The following THSD7B variants were observed in gnomAD, a reference collection of about 807,000 sequenced individuals.
THSD7B encodes thrombospondin type-1 domain-containing protein 7B.
Under a neutral mutation model 213.6 loss-of-function variants are expected in THSD7B, and 138 were observed. The ratio of observed to expected loss-of-function variants is 0.65; its 90% CI spans 0.56 to 0.74. THSD7B has a LOEUF of 0.74. Among genes scored for constraint, THSD7B ranks in the 30% least tolerant of loss-of-function variants. The probability of loss-of-function intolerance (pLI) is 0.00; values close to 1 mark genes in which losing one functional copy is unlikely to be tolerated. For synonymous variants in THSD7B, 742 were observed against 687.0 expected (o/e 1.08, Z -1.25); for missense variants, 1,931 against 1,991.5 (o/e 0.97, Z 0.58).
chr2:137,585,066 G>C (rs1187835726), intron 17 of THSD7B, among the ~76,000 whole-genome samples: 1 of 152,058 alleles, frequency 6.6e-6, no homozygotes, highest in East Asian at 1.9e-4. Flanking sequence ...TTTAGTCTTG[G>C]GAAGTTGTAT....
At chr2:137,440,143 C>A (rs763744294) in intron 14 of THSD7B, among the ~76,000 whole-genome samples, 1 of 152,108 alleles carries the variant, frequency 6.6e-6, no homozygotes, top group Non-Finnish European at 1.5e-5. Flanking sequence ...AGTTAATCCA[C>A]CTAATTAACC....
Position 137,074,390 on chromosome 2 carries a change from C to T in THSD7B, c.950+17160C>T, listed in dbSNP as rs560558872. Among the ~76,000 whole-genome samples the T allele has an allele frequency of 1.8e-3, 276 of 151,922 alleles. 1 individual carries two copies. Among genetic ancestry groups the T allele is most frequent in the African/African-American group, 6.3e-3 (259 of 41,414 alleles). ...TTGTTGGTTTAAAGTCTGTTTTATC[C>T]GAGACTAGGATTGCAACCCCTGCCT... On this transcript the variant is annotated intron_variant, in intron 3 of 27. Coordinates refer to ENST00000409968, the MANE Select transcript of THSD7B (RefSeq NM_001316349.2).
chr2:137,042,792 G>A (rs1686906100), intron 2 of THSD7B, among the ~76,000 whole-genome samples: 1 of 152,176 alleles, frequency 6.6e-6, no homozygotes, highest in Non-Finnish European at 1.5e-5. Context: ...ACCCTAACAA[G>A]TGATTAATGA....
intron 12 of THSD7B, among the ~76,000 whole-genome samples, chr2:137,281,699 C>T (rs1248809848): frequency 6.6e-6 from 1 of 152,108 alleles, no homozygotes; most frequent in East Asian, 1.9e-4. Context: ...TGATGGTTTC[C>T]AGCTTCATCC....
chr2:136,853,076 A>T (rs575330889), intron 1 of THSD7B, among the ~76,000 whole-genome samples: 1 of 151,516 alleles, frequency 6.6e-6, no homozygotes, highest in East Asian at 1.9e-4. Flanking sequence ...GTATGTGTTC[A>T]TGTGCGTGTG....
At chr2:137,592,524 A>G (rs1681885015) in intron 17 of THSD7B, among the ~76,000 whole-genome samples, 1 of 151,842 alleles carries the variant, frequency 6.6e-6, no homozygotes, top group South Asian at 2.1e-4. Context: ...TTATGACAAA[A>G]CTTCAAGTTC....
chr2:136,859,812 A>G (rs1683231993), intron 1 of THSD7B, among the ~76,000 whole-genome samples: 1 of 152,220 alleles, frequency 6.6e-6, no homozygotes, highest in Admixed American at 6.5e-5. Flanking sequence ...TGAAAGTGTC[A>G]GGAGTGAAGG....
chr2:137,106,571 T>C (rs185189040), intron 4 of THSD7B, among the ~76,000 whole-genome samples: 158 of 152,308 alleles, frequency 1.0e-3, no homozygotes, highest in African/African-American at 3.6e-3. Context: ...GAAGAGCTTC[T>C]GCACAACAAA....
At chr2:137,439,775 C>G (rs1238835042) in intron 14 of THSD7B, among the ~76,000 whole-genome samples, 1 of 152,066 alleles carries the variant, frequency 6.6e-6, no homozygotes, top group African/African-American at 2.4e-5. Context: ...CAAATGAAAA[C>G]TTTTCGAGGT....
chr2:137,625,494 A>C (rs1682608312), intron 20 of THSD7B, among the ~76,000 whole-genome samples: 2 of 152,170 alleles, frequency 1.3e-5, no homozygotes, highest in South Asian at 4.1e-4. Context: ...AAATAGAAAA[A>C]TAGGCCTGAA....
chr2:137,173,672 C>G (rs944381160), intron 7 of THSD7B, among the ~76,000 whole-genome samples: 1 of 152,140 alleles, frequency 6.6e-6, no homozygotes, highest in Non-Finnish European at 1.5e-5. Flanking sequence ...TGGCCATGGT[C>G]GTGGTTCTGG....
intron 12 of THSD7B, among the ~76,000 whole-genome samples, chr2:137,278,832 G>A (rs73958827): frequency 0.02 from 3,048 of 152,166 alleles, 107 homozygotes; most frequent in African/African-American, 0.068. Flanking sequence ...TCATAGAAAC[G>A]TTTGCAAATA....
intron 2 of THSD7B, among the ~76,000 whole-genome samples, chr2:137,026,019 C>T (rs943799522): frequency 2.6e-5 from 4 of 152,154 alleles, no homozygotes; most frequent in Non-Finnish European, 4.4e-5. Context: ...AATCTCTGAG[C>T]AATGCTCAGT....
intron 15 of THSD7B, among the ~76,000 whole-genome samples, chr2:137,505,621 G>A (rs35761423): frequency 0.41 from 62,185 of 152,128 alleles, 13,943 homozygotes; most frequent in East Asian, 0.63. Flanking sequence ...GTTGTACAGA[G>A]TGGCAACTTT....
intron 12 of THSD7B, among the ~76,000 whole-genome samples, chr2:137,339,301 G>A (rs1476937903): frequency 6.6e-6 from 1 of 151,810 alleles, no homozygotes; most frequent in Non-Finnish European, 1.5e-5. Context: ...GTTTGTGGTA[G>A]ATGCAAAAAT....
intron 19 of THSD7B, among the ~76,000 whole-genome samples, chr2:137,619,593 C>A (rs1362423923): frequency 1.3e-5 from 2 of 149,060 alleles, no homozygotes; most frequent in Non-Finnish European, 3.0e-5. Flanking sequence ...GAAAAAAAAT[C>A]ATTAATCTAC....
chr2:137,204,632 T>G (rs2196351), intron 7 of THSD7B, among the ~76,000 whole-genome samples: 90,330 of 151,940 alleles, frequency 0.59, 27,244 homozygotes, highest in South Asian at 0.71. Flanking sequence ...TACAAATACA[T>G]ATCTATGTAT....
At chr2:137,666,967 AATTG>A (rs1401936957) in intron 26 of THSD7B, among the ~76,000 whole-genome samples, 1 of 152,070 alleles carries the variant, frequency 6.6e-6, no homozygotes, top group Non-Finnish European at 1.5e-5. Context: ...TAATTTGGTG[AATTG>A]ATTAACTTGT....
rs77278104 is a variant in THSD7B, at chr2:136,860,195, G to A, written c.-35-21949G>A. The stretch of plus-strand genomic sequence containing the variant: ...GGAGTTGAGGATGGTATCTTAGGAG[G>A]CCAGGGCAGTAGAATGAGAGAACTC... On this transcript the variant is annotated intron_variant, in intron 1 of 27. Coordinates refer to ENST00000409968, the MANE Select transcript of THSD7B (RefSeq NM_001316349.2). Among the ~76,000 whole-genome samples the A allele has an allele frequency of 3.9e-3, 598 of 151,914 alleles. 21 individuals carry two copies. The East Asian group carries it at 0.088, about 22-fold the overall frequency.
Sources: gnomAD v4.1 joint callset for allele counts (sites outside exome capture counted in the v4.1 genomes callset) on GRCh38, gnomAD v4.1.1 for gene constraint, MANE v1.5 for transcripts, NCBI Gene and HGNC (gene_info 2026-07-23, HGNC 2026-07-21) for gene names.